AGAP1: variants seen among roughly 807,000 people sequenced by gnomAD.
AGAP1 encodes the protein arf-GAP with GTPase, ANK repeat and PH domain-containing protein 1.
Under a neutral mutation model 105.3 loss-of-function variants are expected in AGAP1, and 29 were observed. The ratio of observed to expected loss-of-function variants is 0.28; its 90% CI spans 0.21 to 0.38. The LOEUF (loss-of-function observed/expected upper bound fraction) is 0.38, where lower values mean the gene tolerates loss of function less well. Among genes scored for constraint, AGAP1 ranks in the 10% least tolerant of loss-of-function variants. The probability of loss-of-function intolerance (pLI) is 1.00; values close to 1 mark genes in which losing one functional copy is unlikely to be tolerated. For missense variants in AGAP1, 998 were observed against 1,165.1 expected, an observed-to-expected ratio of 0.86 and a Z score of 2.09; for synonymous variants, 509 against 485.9, an observed-to-expected ratio of 1.05 and a Z score of -0.63.
At chr2:235,873,954 C>T (rs2049578289) in intron 9 of AGAP1, among the ~76,000 whole-genome samples, 1 of 152,202 alleles carries the variant, frequency 6.6e-6, no homozygotes, top group Admixed American at 6.5e-5. Context: ...GTCTCAAACT[C>T]CTGGACTCAC....
In AGAP1 at chr2:236,076,546, G is replaced by C. The variant is rs2058639771; in HGVS notation, c.2114+27265G>C. On this transcript the variant is annotated intron_variant, in intron 16 of 17. Coordinates refer to ENST00000304032, the MANE Select transcript of AGAP1 (RefSeq NM_001037131.3). The surrounding 1 kb of genome is among the most constrained non-coding windows in gnomAD (Gnocchi z 4.4). ...CTCAGTGTGTGACCCAGGACACCGTGGAATCTGGGAAAGCCATGATTTCCA... is the reference window on the plus strand; with the variant it reads ...CTCAGTGTGTGACCCAGGACACCGTCGAATCTGGGAAAGCCATGATTTCCA... 6.6e-6 allele frequency among the ~76,000 whole-genome samples: 1 copy of C among 152,124 alleles called. No homozygotes were observed. Among genetic ancestry groups the C allele is most frequent in the Non-Finnish European group, 1.5e-5 (1 of 68,022 alleles).
rs1230278527 is a variant in AGAP1, at chr2:235,639,894, G to A, written c.164-69285G>A. Among the ~76,000 whole-genome samples the A allele has an allele frequency of 6.6e-6, 1 of 152,212 alleles. No individual in the cohort carries two copies. The highest frequency in any genetic ancestry group is 1.5e-5 in the Non-Finnish European group (1 of 68,046). On this transcript the variant is annotated intron_variant, in intron 1 of 17. Transcript: ENST00000304032. This position sits in a 1 kb window ranked among gnomAD's most constrained non-coding sequence, Gnocchi z 5.3. Reference sequence around the variant, plus strand: ...TTGATAGAGTCAGCAGGGATGGACAGTTTCCCCTTCAGCACCTTTATAGTT... The same window carrying A: ...TTGATAGAGTCAGCAGGGATGGACAATTTCCCCTTCAGCACCTTTATAGTT...
chr2:235,696,781 C>G lies in AGAP1; in HGVS notation c.164-12398C>G, dbSNP rs147762647. 2.0e-3 allele frequency among the ~76,000 whole-genome samples: 301 copies of G among 152,156 alleles called. 2 individuals are homozygous for G. The highest frequency in any genetic ancestry group is 6.7e-3 in the African/African-American group (279 of 41,516). On this transcript the variant is annotated intron_variant, in intron 1 of 17. Transcript: ENST00000304032. The stretch of plus-strand genomic sequence containing the variant: ...GAATGAGCCCCGTCCCCACCTTATA[C>G]GAGACCATCCCAGCCAACACAGTGA...
chr2:235,977,192 C>T lies in AGAP1; in HGVS notation c.1645+8569C>T, dbSNP rs547080112. ...CTGTGTGCACCCTGGGATTGGAATTCGGGCTAGCTTGGGAGACCCTGCATT... is the reference window on the plus strand; with the variant it reads ...CTGTGTGCACCCTGGGATTGGAATTTGGGCTAGCTTGGGAGACCCTGCATT... On this transcript the variant is annotated intron_variant, in intron 13 of 17. Coordinates refer to ENST00000304032, the MANE Select transcript of AGAP1 (RefSeq NM_001037131.3). This position sits in a 1 kb window ranked among gnomAD's most constrained non-coding sequence, Gnocchi z 5.2. 6.6e-6 allele frequency among the ~76,000 whole-genome samples: 1 copy of T among 152,148 alleles called. No individual in the cohort carries two copies. Among genetic ancestry groups the T allele is most frequent in the South Asian group, 2.1e-4 (1 of 4,802 alleles).
At chr2:235,638,900 C>T (rs1412791000) in intron 1 of AGAP1, among the ~76,000 whole-genome samples, 2 of 152,206 alleles carry the variant, frequency 1.3e-5, no homozygotes, top group African/African-American at 4.8e-5. Context: ...TCAGGAGCAT[C>T]TCTGGCCTCT....
Position 235,751,623 on chromosome 2 carries a change from C to G in AGAP1, c.673+1135C>G, listed in dbSNP as rs981564636. Among the ~76,000 whole-genome samples the G allele has an allele frequency of 3.3e-5, 5 of 152,212 alleles. No homozygotes were observed. Among genetic ancestry groups the G allele is most frequent in the African/African-American group, 1.2e-4 (5 of 41,460 alleles). ...TGAAATTGTAGGGATTCTGTACATT[C>G]ACTGTTCAACTCAGTTTCAAAGATG... On this transcript the variant is annotated intron_variant, in intron 6 of 17. Coordinates refer to ENST00000304032, the MANE Select transcript of AGAP1 (RefSeq NM_001037131.3). This position sits in a 1 kb window ranked among gnomAD's most constrained non-coding sequence, Gnocchi z 5.3.
At chr2:235,538,526 T>A (rs1218298955) in intron 1 of AGAP1, among the ~76,000 whole-genome samples, 2 of 151,268 alleles carry the variant, frequency 1.3e-5, no homozygotes, top group African/African-American at 4.9e-5. Context: ...AGGGTCCTGT[T>A]CTCTGCACAG....
At chr2:235,706,894 A>G (rs913279207) in intron 1 of AGAP1, among the ~76,000 whole-genome samples, 1 of 152,224 alleles carries the variant, frequency 6.6e-6, no homozygotes, top group African/African-American at 2.4e-5. Flanking sequence ...AGAGTAGTCG[A>G]TAACAGAAAG....
intron 9 of AGAP1, among the ~76,000 whole-genome samples, chr2:235,813,143 C>A (rs562566718): frequency 6.6e-6 from 1 of 152,198 alleles, no homozygotes; most frequent in Admixed American, 6.5e-5. Flanking sequence ...GACAGTCATC[C>A]GTCTTTGAGT....
chr2:235,554,246 C>T (rs572919496), intron 1 of AGAP1, among the ~76,000 whole-genome samples: 6 of 152,246 alleles, frequency 3.9e-5, no homozygotes, highest in African/African-American at 1.2e-4. Flanking sequence ...ACGGTGCTCA[C>T]GCTGAAGCAG....
Position 236,036,609 on chromosome 2 carries a change from C to A in AGAP1, c.1694C>A (p.Thr565Lys). The A allele has an allele frequency of 6.2e-7, 1 of 1,614,214 alleles. No homozygotes were observed. The highest frequency in any genetic ancestry group is 1.3e-5 in the African/African-American group (1 of 75,058). ...ATCATTGTGTCCCTCACTGGCCAAACATGGCACTTTGAAGCCACGACGTAT... is the reference window on the plus strand; with the variant it reads ...ATCATTGTGTCCCTCACTGGCCAAAAATGGCACTTTGAAGCCACGACGTAT... ...EFIIVSLTGQ[T>K]WHFEATTYEE... is the part of the protein sequence containing the mutation. Residue 565 changes from threonine (T) to lysine (K), a missense_variant, in exon 14 of 18, where the codon ACA becomes AAA. By Grantham distance (78) the Thr-to-Lys change is moderately conservative. Transcript: ENST00000304032. The surrounding 1 kb of genome is among the most constrained non-coding windows in gnomAD (Gnocchi z 5.7).
chr2:236,004,442 C>T (rs2056247219), intron 13 of AGAP1, among the ~76,000 whole-genome samples: 1 of 152,138 alleles, frequency 6.6e-6, no homozygotes, highest in African/African-American at 2.4e-5. Context: ...TGAAAATTAG[C>T]TGGAGCATGG....
chr2:235,624,353 C>T (rs541155835), intron 1 of AGAP1, among the ~76,000 whole-genome samples: 1 of 152,182 alleles, frequency 6.6e-6, no homozygotes, highest in East Asian at 1.9e-4. Context: ...ATCTGGATCT[C>T]TTTCCTCCGC....
At chr2:235,590,870 G>A (rs1239799460) in intron 1 of AGAP1, among the ~76,000 whole-genome samples, 3 of 148,142 alleles carry the variant, frequency 2.0e-5, no homozygotes, top group Non-Finnish European at 4.5e-5. Flanking sequence ...ACAGGCACCT[G>A]CCACTACGCC....
chr2:235,497,475 C>G (rs559536111), intron 1 of AGAP1, among the ~76,000 whole-genome samples: 58 of 152,356 alleles, frequency 3.8e-4, no homozygotes, highest in South Asian at 1.7e-3. Flanking sequence ...CTTGTCCCAC[C>G]AAATAGAAAG....
At chr2:235,828,448 A>C (rs1245511711) in intron 9 of AGAP1, among the ~76,000 whole-genome samples, 3 of 152,132 alleles carry the variant, frequency 2.0e-5, no homozygotes, top group African/African-American at 7.2e-5. Context: ...TGAGCCACTT[A>C]CTCAATGTCA....
rs1223563688 is a variant in AGAP1 at position 235,887,760 on chromosome 2, T to C, written c.1155+4311T>C. 1.3e-5 allele frequency among the ~76,000 whole-genome samples: 2 copies of C among 152,308 alleles called. No individual in the cohort carries two copies. The highest frequency in any genetic ancestry group is 4.8e-5 in the African/African-American group (2 of 41,576). ...GTGAGGTTGCTGCACCGATTCCTGG[T>C]GTATACCACTAATTTAAGAAGCCCA... On this transcript the variant is annotated intron_variant, in intron 10 of 17. Transcript: ENST00000304032. The surrounding 1 kb of genome is among the most constrained non-coding windows in gnomAD (Gnocchi z 4.1).
At chr2:235,668,957 C>G (rs1407276326) in intron 1 of AGAP1, among the ~76,000 whole-genome samples, 1 of 152,112 alleles carries the variant, frequency 6.6e-6, no homozygotes, top group African/African-American at 2.4e-5. Flanking sequence ...ATTCTCCTGT[C>G]TGTTGTCATG....
intron 6 of AGAP1, among the ~76,000 whole-genome samples, chr2:235,791,226 AT>A (rs1186442355): frequency 1.3e-5 from 2 of 148,714 alleles, no homozygotes; most frequent in East Asian, 4.0e-4. Flanking sequence ...TATATAGATA[AT>A]TTGGTAATTA....
Sources: allele counts gnomAD v4.1 joint callset (sites outside exome capture counted in the v4.1 genomes callset), GRCh38; gene constraint gnomAD v4.1.1; non-coding constraint Gnocchi (gnomAD v3.1); transcripts MANE v1.5; gene names NCBI Gene and HGNC (gene_info 2026-07-23, HGNC 2026-07-21).